Variants in TBC1D22A observed in about 807,000 individuals in gnomAD.
The protein encoded by TBC1D22A is putative GTPase activator.
TBC1D22A carries 38 observed loss-of-function variants against 60.2 expected under a neutral mutation model. The observed-to-expected ratio is 0.63, with a 90% CI of 0.49 to 0.83. The LOEUF (loss-of-function observed/expected upper bound fraction) is 0.83, where lower values mean the gene tolerates loss of function less well. Ranked by LOEUF, TBC1D22A falls within the 40% of genes least tolerant of loss-of-function variation. TBC1D22A has a pLI of 0.00. For synonymous variants in TBC1D22A, 302 were observed against 281.7 expected (o/e 1.07, Z -0.72); for missense variants, 628 against 701.0 (o/e 0.90, Z 1.18).
intron 9 of TBC1D22A, among the ~76,000 whole-genome samples, chr22:46,993,421 C>T (rs1207027133): frequency 1.3e-5 from 2 of 152,156 alleles, no homozygotes; most frequent in African/African-American, 2.4e-5. Flanking sequence ...GATACCAGAT[C>T]TCAATTGGAA....
intron 9 of TBC1D22A, among the ~76,000 whole-genome samples, chr22:46,976,076 A>G (rs1307894631): frequency 2.6e-5 from 4 of 152,232 alleles, no homozygotes; most frequent in Non-Finnish European, 5.9e-5. Context: ...AAAGGATTGA[A>G]TCATAATGTA....
chr22:46,867,794 A>G (rs1462863226), intron 4 of TBC1D22A, among the ~76,000 whole-genome samples: 2 of 152,256 alleles, frequency 1.3e-5, no homozygotes, highest in African/African-American at 2.4e-5. Flanking sequence ...CAATTGACAA[A>G]ATCAAAGAGA....
intron 12 of TBC1D22A, among the ~76,000 whole-genome samples, chr22:47,151,091 G>C (rs889638869): frequency 6.6e-6 from 1 of 152,124 alleles, no homozygotes; most frequent in Non-Finnish European, 1.5e-5. Context: ...TGTGAGCTGC[G>C]TGGGGAGCAA....
intron 7 of TBC1D22A, among the ~76,000 whole-genome samples, chr22:46,895,896 G>A (rs979440807): frequency 6.6e-6 from 1 of 152,130 alleles, no homozygotes; most frequent in Admixed American, 6.6e-5. Context: ...TACAATTATT[G>A]CATCATTGGG....
chr22:47,110,658 C>T (rs2065813118), intron 11 of TBC1D22A, among the ~76,000 whole-genome samples: 1 of 152,170 alleles, frequency 6.6e-6, no homozygotes, highest in South Asian at 2.1e-4. Context: ...ATCTAATGCA[C>T]TGTGCATTGG....
At chr22:47,111,757 G>A (rs956428136) in intron 12 of TBC1D22A, among the ~76,000 whole-genome samples, 154 bp downstream of exon 12, 1 of 152,196 alleles carries the variant, frequency 6.6e-6, no homozygotes, top group Non-Finnish European at 1.5e-5. Flanking sequence ...AGCTCGTCCA[G>A]CTGAGGAGAT....
At chr22:47,112,076 C>T (rs533360200) in intron 12 of TBC1D22A, among the ~76,000 whole-genome samples, 38 of 152,338 alleles carry the variant, frequency 2.5e-4, no homozygotes, top group African/African-American at 9.1e-4. Context: ...TAGTCCCTGG[C>T]GACTTAGCAG....
chr22:46,797,352 C>G, intron 3 of TBC1D22A, 92 bp from the exon 4 acceptor site: 1 of 1,422,318 alleles, frequency 7.0e-7, no homozygotes, highest in South Asian at 1.2e-5. Flanking sequence ...AGGGACCCAT[C>G]AGCATTCACA....
At chr22:46,957,495 G>A (rs751187183) in intron 8 of TBC1D22A, among the ~76,000 whole-genome samples, 48 of 152,234 alleles carry the variant, frequency 3.2e-4, no homozygotes, top group South Asian at 6.2e-4. Context: ...AGCACATCTC[G>A]TGAGAACTCA....
At chr22:46,902,198 A>G (rs1285665251) in intron 7 of TBC1D22A, among the ~76,000 whole-genome samples, 2 of 152,244 alleles carry the variant, frequency 1.3e-5, no homozygotes, top group African/African-American at 4.8e-5. Flanking sequence ...CCGAATTAGC[A>G]TGCATGTTCT....
chr22:46,804,624 T>C (rs1386423228), intron 4 of TBC1D22A, among the ~76,000 whole-genome samples: 1 of 152,232 alleles, frequency 6.6e-6, no homozygotes, highest in Non-Finnish European at 1.5e-5. Context: ...CTGCTCGATG[T>C]GGTATTTGAA....
At chr22:46,774,601 C>T (rs1002204451) in intron 1 of TBC1D22A, among the ~76,000 whole-genome samples, 3 of 152,174 alleles carry the variant, frequency 2.0e-5, no homozygotes, top group Admixed American at 6.5e-5. Context: ...CATTGCTGGG[C>T]GCCCTCTCCT....
At chr22:46,854,510 C>G (rs535096494) in intron 4 of TBC1D22A, among the ~76,000 whole-genome samples, 1 of 152,236 alleles carries the variant, frequency 6.6e-6, no homozygotes, top group African/African-American at 2.4e-5. Context: ...TTTCTTTTTC[C>G]CCATATCTAG....
intron 11 of TBC1D22A, among the ~76,000 whole-genome samples, chr22:47,084,277 A>G (rs2064591693): frequency 6.6e-6 from 1 of 152,252 alleles, no homozygotes; most frequent in Non-Finnish European, 1.5e-5. Flanking sequence ...GCACAGATGT[A>G]GACATTCCCA....
At chr22:46,789,131 T>TG in intron 1 of TBC1D22A, 1 of 147,722 alleles carries the variant, frequency 6.8e-6, no homozygotes, top group South Asian at 2.0e-4. Flanking sequence ...CTTCTTTTCT[T>TG]TTTTTTTTTT....
intron 11 of TBC1D22A, among the ~76,000 whole-genome samples, chr22:47,049,150 C>G (rs192731880): frequency 1.3e-5 from 2 of 152,212 alleles, no homozygotes; most frequent in African/African-American, 2.4e-5. Context: ...GCCGGGTACA[C>G]GTTGTGCTCT....
intron 1 of TBC1D22A, among the ~76,000 whole-genome samples, chr22:46,765,029 ACAC>A (rs2083237324): frequency 6.6e-6 from 1 of 152,192 alleles, no homozygotes; most frequent in South Asian, 2.1e-4. Context: ...GAAATACCGA[ACAC>A]CAGCTTTCCT....
chr22:46,860,776 G>C (rs886250201), intron 4 of TBC1D22A, among the ~76,000 whole-genome samples: 1 of 152,190 alleles, frequency 6.6e-6, no homozygotes, highest in Non-Finnish European at 1.5e-5. Context: ...CTGCTGCCAG[G>C]CGGGTCTCCT....
chr22:46,814,949 G>T (rs1312679767), intron 4 of TBC1D22A, among the ~76,000 whole-genome samples: 1 of 151,972 alleles, frequency 6.6e-6, no homozygotes, highest in Non-Finnish European at 1.5e-5. Context: ...CACCATGCCC[G>T]GCCTATTTTT....
Sources: gnomAD v4.1 joint callset for allele counts (sites outside exome capture counted in the v4.1 genomes callset) on GRCh38, gnomAD v4.1.1 for gene constraint, MANE v1.5 for transcripts, NCBI Gene and HGNC (gene_info 2026-07-23, HGNC 2026-07-21) for gene names.